Variants in SV2C observed in about 807,000 individuals in gnomAD.
The protein encoded by SV2C is synaptic vesicle glycoprotein 2C.
A neutral mutation model predicts 79.7 loss-of-function variants in SV2C; 49 were observed. The ratio of observed to expected loss-of-function variants is 0.61; its 90% CI spans 0.49 to 0.78. The LOEUF is 0.78. Among genes scored for constraint, SV2C ranks in the 30% least tolerant of loss-of-function variants. The probability of loss-of-function intolerance (pLI) is 0.00; values close to 1 mark genes in which losing one functional copy is unlikely to be tolerated. For synonymous variants in SV2C, 334 were observed against 333.2 expected, an observed-to-expected ratio of 1.00 and a Z score of -0.03; for missense variants, 833 against 912.9, an observed-to-expected ratio of 0.91 and a Z score of 1.13.
At chr5:76,203,972 T>G (rs872631) in intron 3 of SV2C, among the ~76,000 whole-genome samples, 2 of 152,232 alleles carry the variant, frequency 1.3e-5, no homozygotes, top group Non-Finnish European at 2.9e-5. Context: ...TTATCACTGA[T>G]AGCAAACATG....
chr5:76,000,669 A>G, the SV2C span, among the ~76,000 whole-genome samples: 1 of 152,240 alleles, frequency 6.6e-6, no homozygotes, highest in African/African-American at 2.4e-5. Context: ...GTTAGGATTT[A>G]AACATTAAGA....
upstream of SV2C, among the ~76,000 whole-genome samples, chr5:76,081,676 C>A (rs551116937): frequency 6.6e-6 from 1 of 152,304 alleles, no homozygotes; most frequent in Admixed American, 6.5e-5. Flanking sequence ...ACAAGACAGA[C>A]CAGCAAGGAA....
At chr5:75,904,020 T>C in the SV2C span, among the ~76,000 whole-genome samples, 1 of 152,186 alleles carries the variant, frequency 6.6e-6, no homozygotes, top group Non-Finnish European at 1.5e-5. Context: ...CATAAAATCT[T>C]CTGGGGGGTG....
the SV2C span, among the ~76,000 whole-genome samples, chr5:75,893,361 A>G: frequency 6.6e-6 from 1 of 151,886 alleles, no homozygotes; most frequent in African/African-American, 2.4e-5. Flanking sequence ...AGTATTCTAG[A>G]TTCTTTGGGT....
the SV2C span, among the ~76,000 whole-genome samples, chr5:76,009,588 A>G: frequency 1.3e-5 from 2 of 152,182 alleles, no homozygotes; most frequent in African/African-American, 4.8e-5. Context: ...CCATGAGAAG[A>G]ATGAAATGTC....
At chr5:75,922,624 C>T in the SV2C span, among the ~76,000 whole-genome samples, 8 of 152,296 alleles carry the variant, frequency 5.3e-5, no homozygotes, top group Non-Finnish European at 1.2e-4. Context: ...GACTGTCTTT[C>T]CCAGGTTCCC....
At position 76,196,819 on chromosome 5, in the gene SV2C, A is replaced by G. The variant is rs995454937; in HGVS notation, c.761+1720A>G. On this transcript the variant is annotated intron_variant, in intron 3 of 12. Coordinates refer to ENST00000502798, the MANE Select transcript of SV2C (RefSeq NM_014979.4). ...GTGGTCAAATTATTGTGGCAATTTT[A>G]ATTGCCAATCTGGATTGAGACATGG... Among the ~76,000 whole-genome samples the G allele has an allele frequency of 2.0e-5, 3 of 152,344 alleles. No homozygotes were observed. The East Asian group carries it at 5.8e-4, about 29-fold the overall frequency.
the SV2C span, among the ~76,000 whole-genome samples, chr5:76,020,448 G>T: frequency 6.6e-6 from 1 of 152,184 alleles, no homozygotes; most frequent in Non-Finnish European, 1.5e-5. Context: ...GGGGCATAAA[G>T]TAGCAGAAAA....
At chr5:75,999,129 C>G in the SV2C span, among the ~76,000 whole-genome samples, 3 of 152,082 alleles carry the variant, frequency 2.0e-5, no homozygotes, top group African/African-American at 7.2e-5. Context: ...GACTTATTCA[C>G]TATCACGAGA....
At chr5:76,056,624 C>CTTTTTTTTTTT in the SV2C span, among the ~76,000 whole-genome samples, 1 of 65,712 alleles carries the variant, frequency 1.5e-5, no homozygotes, top group African/African-American at 5.9e-5. Context: ...CCTGGGCTTT[C>CTTTTTTTTTTT]TTTTTTTTTT....
chr5:76,217,981 A>G (rs540052471), intron 4 of SV2C, among the ~76,000 whole-genome samples: 2 of 152,332 alleles, frequency 1.3e-5, no homozygotes, highest in African/African-American at 2.4e-5. Flanking sequence ...GTGAGCATCA[A>G]CTACCAGCTG....
chr5:75,951,383 G>A, the SV2C span, among the ~76,000 whole-genome samples: 35,710 of 151,934 alleles, frequency 0.24, 5,352 homozygotes, highest in Non-Finnish European at 0.35. Context: ...TTCAGAATTG[G>A]TCATTCTGCT....
chr5:75,866,726 T>C, the SV2C span, among the ~76,000 whole-genome samples: 2 of 152,152 alleles, frequency 1.3e-5, no homozygotes, highest in South Asian at 4.2e-4. Flanking sequence ...CTTGAAGAGG[T>C]TATGGTACAA....
chr5:76,139,463 G>A (rs1225128231), intron 2 of SV2C, among the ~76,000 whole-genome samples: 3 of 152,294 alleles, frequency 2.0e-5, no homozygotes, highest in Non-Finnish European at 4.4e-5. Context: ...CAGTTTTCTT[G>A]GGAGTCCTGT....
intron 8 of SV2C, among the ~76,000 whole-genome samples, chr5:76,294,875 A>G (rs1747690766): frequency 6.6e-6 from 1 of 152,156 alleles, no homozygotes; most frequent in Non-Finnish European, 1.5e-5. Context: ...CCCAGCCTCT[A>G]ACTACCTTGG....
At chr5:75,936,511 C>T in the SV2C span, among the ~76,000 whole-genome samples, 203 of 152,294 alleles carry the variant, frequency 1.3e-3, 2 homozygotes, top group African/African-American at 4.5e-3. Context: ...GCTCCGGCTA[C>T]TAAAGTGCAG....
the SV2C span, among the ~76,000 whole-genome samples, chr5:76,069,971 C>T: frequency 3.3e-5 from 5 of 152,094 alleles, no homozygotes; most frequent in Admixed American, 1.3e-4. Flanking sequence ...CAGGTCTGTG[C>T]AGCCCCTTTG....
chr5:76,318,729 G>T (rs986943676), intron 12 of SV2C, among the ~76,000 whole-genome samples: 1 of 152,206 alleles, frequency 6.6e-6, no homozygotes, highest in Admixed American at 6.5e-5. Flanking sequence ...AGTACAAATT[G>T]AGAGCAAAGG....
the SV2C span, among the ~76,000 whole-genome samples, chr5:75,913,367 T>G: frequency 6.6e-6 from 1 of 152,282 alleles, no homozygotes; most frequent in East Asian, 1.9e-4. Flanking sequence ...AGGGGAAAGT[T>G]CTAGCTCACA....
Sources: allele counts gnomAD v4.1 joint callset (sites outside exome capture counted in the v4.1 genomes callset), GRCh38; gene constraint gnomAD v4.1.1; transcripts MANE v1.5; gene names NCBI Gene and HGNC (gene_info 2026-07-23, HGNC 2026-07-21).